Variants in ABCA12 observed in about 807,000 individuals in gnomAD.
ABCA12 encodes the protein glucosylceramide transporter ABCA12.
ABCA12 carries 156 observed loss-of-function variants against 293.5 expected under a neutral mutation model. That is an observed-to-expected ratio of 0.53 (90% CI 0.47 to 0.61). The LOEUF (loss-of-function observed/expected upper bound fraction) is 0.61, where lower values mean the gene tolerates loss of function less well. ABCA12 is among the 20% of genes least tolerant of loss of function. The probability of loss-of-function intolerance (pLI) is 0.00; values close to 1 mark genes in which losing one functional copy is unlikely to be tolerated. For missense variants in ABCA12, 2,797 were observed against 3,090.2 expected (o/e 0.91, Z 2.25); for synonymous variants, 1,063 against 1,108.0 (o/e 0.96, Z 0.81).
At chr2:215,128,088 A>T (rs1702966084) in intron 1 of ABCA12, among the ~76,000 whole-genome samples, 1 of 152,162 alleles carries the variant, frequency 6.6e-6, no homozygotes, top group African/African-American at 2.4e-5. Flanking sequence ...TTCTTGGCTG[A>T]TAATTGTTTT....
intron 18 of ABCA12, among the ~76,000 whole-genome samples, chr2:215,008,268 A>G (rs1003355072): frequency 6.6e-6 from 1 of 152,184 alleles, no homozygotes; most frequent in Non-Finnish European, 1.5e-5. Flanking sequence ...GACAATGGCT[A>G]TTAAAATAAA....
intron 35 of ABCA12, among the ~76,000 whole-genome samples, chr2:214,974,391 G>A (rs1041334210): frequency 6.6e-6 from 1 of 152,052 alleles, no homozygotes; most frequent in Non-Finnish European, 1.5e-5. Context: ...CATGAGTTGT[G>A]TATTAATACT....
chr2:215,007,612 C>T (rs1700282260), intron 19 of ABCA12, 115 bp downstream of exon 19: 5 of 1,354,076 alleles, frequency 3.7e-6, no homozygotes, highest in Non-Finnish European at 5.2e-6. Flanking sequence ...GGAAGAGAGG[C>T]AATTTAATCT....
At chr2:215,056,919 T>G (rs1454234651) in intron 3 of ABCA12, among the ~76,000 whole-genome samples, 1 of 152,078 alleles carries the variant, frequency 6.6e-6, no homozygotes, top group Non-Finnish European at 1.5e-5. Context: ...AGAACAGTGG[T>G]TGAGAAATAG....
At chr2:215,126,962 C>T (rs1261617558) in intron 1 of ABCA12, among the ~76,000 whole-genome samples, 1 of 152,020 alleles carries the variant, frequency 6.6e-6, no homozygotes, top group Admixed American at 6.6e-5. Context: ...ACTGCCTTTG[C>T]TGTATCCCAG....
chr2:214,996,822 A>C (rs1700044469), intron 23 of ABCA12, among the ~76,000 whole-genome samples: 1 of 152,208 alleles, frequency 6.6e-6, no homozygotes, highest in Non-Finnish European at 1.5e-5. Flanking sequence ...GGTAAGTCTG[A>C]AAAGGACAAG....
In ABCA12 at chr2:214,979,045, G is replaced by A. The variant is rs779437111; in HGVS notation, c.4741-5C>T. 11 of 1,612,270 alleles carry A rather than the reference G, an allele frequency of 6.8e-6. No homozygotes were observed. The highest frequency in any genetic ancestry group is 6.7e-5 in the African/African-American group (5 of 74,860). On this transcript the variant is annotated splice_polypyrimidine_tract_variant and splice_region_variant and intron_variant, in intron 31 of 52. Transcript: ENST00000272895. ...ATTTGCATTTAAATTTGGACTCTAA[G>A]AGAGAAAAGTAGGAATTAAAACACT... is the stretch of plus-strand genomic sequence containing the variant.
In ABCA12 at chr2:214,981,956, TATTATTATTATTATTATTA is replaced by T. The variant is rs1267642088; in HGVS notation, c.4579+212_4579+230del. ...AGTCAGCTGTTTTTATTATTATTATTATTATTATTATTATTATTATTATTATTATTTTATTATTATTGAC... is the reference window on the plus strand; with the variant it reads ...AGTCAGCTGTTTTTATTATTATTATTTTATTATTATTTTATTATTATTGAC... On this transcript the variant is annotated intron_variant, in intron 30 of 52. Transcript: ENST00000272895. Among the ~76,000 whole-genome samples the T allele has an allele frequency of 3.0e-5, 4 of 132,720 alleles. 1 individual carries two copies. The highest frequency in any genetic ancestry group is 1.6e-4 in the Admixed American group (2 of 12,582). The allele number at this position is 132,720 out of a possible 152,430, so 87.1% of individuals were successfully genotyped here.
At chr2:215,052,846 G>A (rs775351909) in intron 4 of ABCA12, among the ~76,000 whole-genome samples, 8 of 151,896 alleles carry the variant, frequency 5.3e-5, no homozygotes, top group Non-Finnish European at 1.0e-4. Context: ...CATTCCAGTC[G>A]GTGACATTAA....
chr2:214,980,371 C>A, intron 31 of ABCA12, 112 bp downstream of exon 31: 1 of 1,412,496 alleles, frequency 7.1e-7, no homozygotes, highest in South Asian at 1.2e-5. Context: ...AAGCAGTAAG[C>A]TAGTATACTA....
chr2:215,094,668 C>T (rs111362726), intron 2 of ABCA12, among the ~76,000 whole-genome samples: 10 of 151,150 alleles, frequency 6.6e-5, no homozygotes, highest in African/African-American at 2.5e-4. Context: ...TCAGACTCTC[C>T]TCCTAGCCCC....
At chr2:214,936,503 A>ACAAT (rs1428815174) in intron 51 of ABCA12, among the ~76,000 whole-genome samples, 1 of 152,216 alleles carries the variant, frequency 6.6e-6, no homozygotes, top group Non-Finnish European at 1.5e-5. Flanking sequence ...CCTTTCAAAA[A>ACAAT]CAATCATTTG....
chr2:215,138,074 T>A, intron 1 of ABCA12, 66 bp downstream of exon 1: 1 of 1,463,840 alleles, frequency 6.8e-7, no homozygotes, highest in Non-Finnish European at 9.6e-7. Context: ...CTCATTAAGA[T>A]CACATTTTAG....
intron 1 of ABCA12, among the ~76,000 whole-genome samples, chr2:215,135,694 C>A (rs143685100): frequency 6.6e-6 from 1 of 152,300 alleles, no homozygotes; most frequent in East Asian, 1.9e-4. Context: ...TATGTACCTT[C>A]ATTTCACATT....
chr2:214,982,321 C>G lies in ABCA12; in HGVS notation c.4445G>C (p.Gly1482Ala), dbSNP rs373218038. Residue 1482 changes from glycine (G) to alanine (A), a missense_variant, in exon 30 of 53, where the codon GGC becomes GCC. Transcript: ENST00000272895. ...GGATATAGATAACTTCCTCTTCATG[C>G]CTCCTGACAGTGTTCCAACTCTCTT... ...RHKRVGTLSG[G>A]MKRKLSISIA... 6.8e-6 allele frequency: 11 copies of G among 1,614,100 alleles called. No homozygotes were observed. The highest frequency in any genetic ancestry group is 7.6e-6 in the Non-Finnish European group (9 of 1,179,990).
intron 1 of ABCA12, among the ~76,000 whole-genome samples, chr2:215,134,334 A>ATATATACGTATATGTG (rs1559213627): frequency 6.9e-6 from 1 of 144,162 alleles, no homozygotes; most frequent in Non-Finnish European, 1.5e-5. Flanking sequence ...ATATATGTAC[A>ATATATACGTATATGTG]TATATATGTA....
intron 38 of ABCA12, among the ~76,000 whole-genome samples, chr2:214,967,585 CAT>C (rs1274578322): frequency 6.6e-6 from 1 of 152,062 alleles, no homozygotes; most frequent in Non-Finnish European, 1.5e-5. Flanking sequence ...TAGAAATTCA[CAT>C]GTTTGTGCAA....
Position 214,951,211 on chromosome 2 carries a change from A to AGC in ABCA12, c.6648-129_6648-128insGC, listed in dbSNP as rs201322799. The stretch of plus-strand genomic sequence containing the variant: ...ATCATTAGACTTCTTTTACATTTGT[A>AGC]ATGAATTATGCTACTCAGATAACTT... On this transcript the variant is annotated intron_variant, in intron 44 of 52. Coordinates refer to ENST00000272895, the MANE Select transcript of ABCA12 (RefSeq NM_173076.3). The AGC allele has an allele frequency of 8.4e-3, 7,089 of 840,224 alleles. 356 individuals carry two copies. The African/African-American group carries it at 0.11, about 13-fold the overall frequency. The allele number at this position is 840,224 out of a possible 1,614,324, so 52.0% of individuals were successfully genotyped here.
chr2:215,015,079 G>A (rs1700461649), intron 15 of ABCA12, among the ~76,000 whole-genome samples: 1 of 151,134 alleles, frequency 6.6e-6, no homozygotes, highest in Non-Finnish European at 1.5e-5. Flanking sequence ...TTTAAAGAAC[G>A]CCAAAAAAAG....
Sources: gnomAD v4.1 joint callset for allele counts (sites outside exome capture counted in the v4.1 genomes callset) on GRCh38, gnomAD v4.1.1 for gene constraint, MANE v1.5 for transcripts, NCBI Gene and HGNC (gene_info 2026-07-23, HGNC 2026-07-21) for gene names.